Variants in XKR4 observed in about 807,000 individuals in gnomAD.
XKR4 encodes the protein XK-related protein 4.
In XKR4, 12 loss-of-function variants were observed where a neutral mutation model predicts 53.9. The ratio of observed to expected loss-of-function variants is 0.22; its 90% CI spans 0.14 to 0.36. The LOEUF is 0.36. Ranked by LOEUF, XKR4 falls within the 10% of genes least tolerant of loss-of-function variation. The probability of loss-of-function intolerance (pLI) is 1.00; values close to 1 mark genes in which losing one functional copy is unlikely to be tolerated. For missense variants in XKR4, 799 were observed against 859.5 expected (o/e 0.93, Z 0.88); for synonymous variants, 354 against 362.4 (o/e 0.98, Z 0.26).
intron 2 of XKR4, among the ~76,000 whole-genome samples, chr8:55,415,968 G>A (rs1388086881): frequency 6.6e-6 from 1 of 152,198 alleles, no homozygotes; most frequent in Non-Finnish European, 1.5e-5. Context: ...TGGTGACTCA[G>A]AGGAACGGCA....
At chr8:55,327,032 T>C (rs1197765118) in intron 1 of XKR4, among the ~76,000 whole-genome samples, 4 of 152,050 alleles carry the variant, frequency 2.6e-5, no homozygotes, top group Admixed American at 2.6e-4. Flanking sequence ...GCTGGTAGCC[T>C]CAAGAGCAGA....
chr8:55,270,488 C>T (rs767323207), intron 1 of XKR4, among the ~76,000 whole-genome samples: 4 of 152,108 alleles, frequency 2.6e-5, no homozygotes, highest in Admixed American at 1.3e-4. Flanking sequence ...TTGATCACCT[C>T]GTGTTGTTGT....
chr8:55,537,247 T>A lies in XKR4; in HGVS notation c.*13020T>A, dbSNP rs1380095383. 5 of 152,328 alleles carry A rather than the reference T, an allele frequency of 3.3e-5. No individual in the cohort carries two copies. In the East Asian group the frequency reaches 9.6e-4, roughly 29 times the overall value. 9.4% of individuals were successfully genotyped at this position (152,328 alleles called of 1,614,324 possible). A position where few individuals can be genotyped will look rare whatever the true frequency, so the allele number is the denominator to read the frequency against. ...AAATTCCTGGGAAAAAAAGAAAAAGTTTACGTCAAAGGAAAATTCACCTCC... is the reference window on the plus strand; with the variant it reads ...AAATTCCTGGGAAAAAAAGAAAAAGATTACGTCAAAGGAAAATTCACCTCC... On this transcript the variant is annotated 3_prime_UTR_variant, in exon 3 of 3. Coordinates refer to ENST00000327381, the MANE Select transcript of XKR4 (RefSeq NM_052898.2).
intron 2 of XKR4, among the ~76,000 whole-genome samples, chr8:55,507,461 AT>A (rs1284710467): frequency 6.6e-6 from 1 of 152,118 alleles, no homozygotes; most frequent in East Asian, 1.9e-4. Context: ...GTAACTCATC[AT>A]TTAACATCAG....
chr8:55,425,138 G>A (rs1185866987), intron 2 of XKR4, among the ~76,000 whole-genome samples: 1 of 152,072 alleles, frequency 6.6e-6, no homozygotes, highest in Non-Finnish European at 1.5e-5. Context: ...CTCAATAATA[G>A]AGTCACATAT....
intron 2 of XKR4, among the ~76,000 whole-genome samples, chr8:55,478,600 C>T (rs4620264): frequency 6.6e-6 from 1 of 150,718 alleles, no homozygotes; most frequent in Non-Finnish European, 1.5e-5. Context: ...AAGACACAGA[C>T]TGGCAAATTG....
chr8:55,193,040 A>G (rs1817464150), intron 1 of XKR4, among the ~76,000 whole-genome samples: 1 of 151,702 alleles, frequency 6.6e-6, no homozygotes, highest in South Asian at 2.1e-4. Flanking sequence ...TCTTTGTGAG[A>G]TGACAGAAGG....
At chr8:55,358,071 G>A (rs531568177) in intron 2 of XKR4, among the ~76,000 whole-genome samples, 194 bp downstream of exon 2, 2 of 152,194 alleles carry the variant, frequency 1.3e-5, no homozygotes, top group South Asian at 2.1e-4. Context: ...GAAAGACAGC[G>A]CATTTTTGCT....
chr8:55,288,639 A>G (rs76201015), intron 1 of XKR4, among the ~76,000 whole-genome samples: 1,566 of 152,270 alleles, frequency 0.01, 19 homozygotes, highest in Middle Eastern at 0.031. Context: ...TATCTATTGT[A>G]TTTTTAATAC....
chr8:55,157,417 C>G (rs530592217), intron 1 of XKR4, among the ~76,000 whole-genome samples: 2 of 151,868 alleles, frequency 1.3e-5, no homozygotes, highest in African/African-American at 4.8e-5. Flanking sequence ...TTATTTAGAA[C>G]ATTATTTCAA....
At chr8:55,500,181 CAA>C (rs36233927) in intron 2 of XKR4, among the ~76,000 whole-genome samples, 3,096 of 114,836 alleles carry the variant, frequency 0.027, 77 homozygotes, top group East Asian at 0.18. Context: ...CAAATTGGGC[CAA>C]AAAAAAAAAA....
intron 2 of XKR4, among the ~76,000 whole-genome samples, chr8:55,519,751 A>G (rs761764618): frequency 6.6e-6 from 1 of 152,154 alleles, no homozygotes; most frequent in Non-Finnish European, 1.5e-5. Flanking sequence ...TGATAACTTT[A>G]TGTGGTTATG....
At chr8:55,223,264 C>T (rs1358722755) in intron 1 of XKR4, among the ~76,000 whole-genome samples, 1 of 152,212 alleles carries the variant, frequency 6.6e-6, no homozygotes, top group Non-Finnish European at 1.5e-5. Context: ...TCTAACCCTT[C>T]CCTTCTCCAG....
At chr8:55,415,566 A>G (rs1229277896) in intron 2 of XKR4, among the ~76,000 whole-genome samples, 1 of 152,216 alleles carries the variant, frequency 6.6e-6, no homozygotes, top group Non-Finnish European at 1.5e-5. Flanking sequence ...ATGTATGTTA[A>G]TGAACTATTG....
intron 1 of XKR4, among the ~76,000 whole-genome samples, chr8:55,172,503 C>G (rs1221399668): frequency 6.6e-6 from 1 of 152,126 alleles, no homozygotes. Context: ...CACCCATATG[C>G]ATATAAATAC....
chr8:55,289,838 GAGAAAGAAA>G (rs1187913306), intron 1 of XKR4, among the ~76,000 whole-genome samples: 9 of 99,134 alleles, frequency 9.1e-5, no homozygotes, highest in Non-Finnish European at 1.4e-4. Context: ...AAGGAAGGAA[GAGAAAGAAA>G]GAAGGAAAGA....
chr8:55,417,986 G>A (rs1394201341), intron 2 of XKR4, among the ~76,000 whole-genome samples: 1 of 152,174 alleles, frequency 6.6e-6, no homozygotes, highest in Non-Finnish European at 1.5e-5. Context: ...GAAAGAGACA[G>A]CGATTTGGGT....
intron 1 of XKR4, among the ~76,000 whole-genome samples, chr8:55,202,172 T>C (rs908035368): frequency 2.6e-5 from 4 of 152,194 alleles, no homozygotes; most frequent in Non-Finnish European, 4.4e-5. Flanking sequence ...GGGCACTTGA[T>C]AGCTTGGACC....
chr8:55,142,042 C>G (rs1816712059), intron 1 of XKR4: 2 of 454,882 alleles, frequency 4.4e-6, no homozygotes, highest in Non-Finnish European at 8.8e-6. Flanking sequence ...AACTCAGAGC[C>G]CTGCCACCCC....
Sources: allele counts gnomAD v4.1 joint callset (sites outside exome capture counted in the v4.1 genomes callset), GRCh38; gene constraint gnomAD v4.1.1; transcripts MANE v1.5; gene names NCBI Gene and HGNC (gene_info 2026-07-23, HGNC 2026-07-21).